PCDHGA5: variants seen among roughly 807,000 people sequenced by gnomAD.
The protein encoded by PCDHGA5 is protocadherin gamma-A5.
PCDHGA5 carries 36 observed loss-of-function variants against 56.7 expected under a neutral mutation model. The ratio of observed to expected loss-of-function variants is 0.64; its 90% confidence interval spans 0.49 to 0.84. The LOEUF (loss-of-function observed/expected upper bound fraction) is 0.84. Ranked by LOEUF, PCDHGA5 falls within the 40% of genes least tolerant of loss-of-function variation. PCDHGA5 has a pLI of 0.00. For synonymous variants in PCDHGA5, 563 were observed against 520.2 expected (o/e 1.08, Z -1.12); for missense variants, 1,305 against 1,201.5 (o/e 1.09, Z -1.27).
At chr5:141,399,652 G>A in intron 1 of PCDHGA5, 1 of 1,613,758 alleles carries the variant, frequency 6.2e-7, no homozygotes, top group Non-Finnish European at 8.5e-7. Flanking sequence ...GCAAAGTGGG[G>A]TGGTGTTCGC....
At position 141,365,002 on chromosome 5, in the gene PCDHGA5, C is replaced by T. The variant is rs779500238; in HGVS notation, c.672C>T (p.Gly224=). ...ALDGGDPVLS[G]TTHIRVTVLD... ...ATGGCGGAGACCCGGTACTCTCCGG[C>T]ACCACGCACATCCGTGTTACGGTCC... Residue 224 remains glycine (G), a synonymous_variant, in exon 1 of 4, where the codon GGC becomes GGT. Coordinates refer to ENST00000518069, the MANE Select transcript of PCDHGA5 (RefSeq NM_018918.3). 1.9e-6 allele frequency: 3 copies of T among 1,613,918 alleles called. No homozygotes were observed. The highest frequency in any genetic ancestry group is 2.5e-6 in the Non-Finnish European group (3 of 1,179,892).
At chr5:141,443,137 A>G (rs1202995621) in intron 1 of PCDHGA5, among the ~76,000 whole-genome samples, 1 of 152,174 alleles carries the variant, frequency 6.6e-6, no homozygotes, top group Non-Finnish European at 1.5e-5. Flanking sequence ...GAACACTATC[A>G]TAAGTTATAC....
rs150878327 is a variant in PCDHGA5 at position 141,438,347 on chromosome 5, C to A, written c.2422-56460C>A. On this transcript the variant is annotated intron_variant, in intron 1 of 3. Coordinates refer to ENST00000518069, the MANE Select transcript of PCDHGA5 (RefSeq NM_018918.3). ...CTTATACATGTCATATAAGGATCTACTCTGTGTATTGTCATTGAGGGCAGA... is the reference window on the plus strand; with the variant it reads ...CTTATACATGTCATATAAGGATCTAATCTGTGTATTGTCATTGAGGGCAGA... Among the ~76,000 whole-genome samples the A allele has an allele frequency of 3.9e-3, 588 of 151,848 alleles. 6 individuals are homozygous for A. Among genetic ancestry groups the A allele is most frequent in the Admixed American group, 0.011 (169 of 15,256 alleles).
intron 1 of PCDHGA5, among the ~76,000 whole-genome samples, chr5:141,438,609 T>TATAC (rs2098013849): frequency 2.4e-5 from 1 of 41,118 alleles, no homozygotes; most frequent in Non-Finnish European, 3.9e-5. Context: ...TATATATATA[T>TATAC]ATATATATAT....
At position 141,431,260 on chromosome 5, in the gene PCDHGA5, G is replaced by A. The variant is rs762250032; in HGVS notation, c.2422-63547G>A. The A allele has an allele frequency of 6.2e-7, 1 of 1,614,170 alleles. No individual in the cohort carries two copies. The highest frequency in any genetic ancestry group is 2.2e-5 in the East Asian group (1 of 44,892). On this transcript the variant is annotated intron_variant, in intron 1 of 3. Coordinates refer to ENST00000518069, the MANE Select transcript of PCDHGA5 (RefSeq NM_018918.3). The surrounding 1 kb of genome is among the most constrained non-coding windows in gnomAD (Gnocchi z 4.8). The stretch of plus-strand genomic sequence containing the variant: ...ATCCGGATATCGGGAAGAACTCTCT[G>A]CAGAGCTACGAGCTCAGCCCGAACA...
intron 1 of PCDHGA5, chr5:141,408,126 C>T: frequency 1.5e-5 from 22 of 1,479,600 alleles, no homozygotes; most frequent in Non-Finnish European, 1.6e-5. Flanking sequence ...TGTCCTGGGC[C>T]GAATGCTCTT....
Position 141,450,830 on chromosome 5 carries a change from T to TTA in PCDHGA5, c.2422-43976_2422-43975insAT, listed in dbSNP as rs200967731. 4.3e-3 allele frequency among the ~76,000 whole-genome samples: 438 copies of TTA among 101,540 alleles called. 3 individuals carry two copies. Among genetic ancestry groups the TTA allele is most frequent in the African/African-American group, 0.015 (349 of 23,046 alleles). 66.6% of individuals were successfully genotyped at this position (101,540 alleles called of 152,430 possible). ...TATTTATTTAATATTATTATTATTA[T>TTA]TTTTTTTTTTTTGAGATGGGGTCTT... On this transcript the variant is annotated intron_variant, in intron 1 of 3. Transcript: ENST00000518069.
rs1207371456 is a variant in PCDHGA5 at position 141,487,371 on chromosome 5, G to A, written c.2422-7436G>A. On this transcript the variant is annotated intron_variant, in intron 1 of 3. Transcript: ENST00000518069. The surrounding 1 kb of genome is among the most constrained non-coding windows in gnomAD (Gnocchi z 5.0). ...TGCTTTCCTGCTGGCACCTGTGCCT[G>A]TCTCACCAGATCTCGAAGGAGGGAG... The A allele has an allele frequency of 4.3e-6, 7 of 1,614,076 alleles. No individual in the cohort carries two copies. In the Admixed American group the frequency reaches 5.0e-5, roughly 12 times the overall value.
intron 1 of PCDHGA5, chr5:141,399,976 C>A (rs759278103): frequency 1.2e-6 from 2 of 1,612,122 alleles, no homozygotes; most frequent in African/African-American, 2.7e-5. Context: ...CAGCCTGGGG[C>A]TGCGCACAGG....
chr5:141,404,838 C>T (rs1561696680), intron 1 of PCDHGA5: 1 of 1,613,850 alleles, frequency 6.2e-7, no homozygotes, highest in East Asian at 2.2e-5. Flanking sequence ...GTGCGCACAG[C>T]TCGGGCCCTG....
intron 1 of PCDHGA5, 146 bp from the exon 2 acceptor site, chr5:141,494,661 G>C (rs2099755951): frequency 6.7e-7 from 1 of 1,492,856 alleles, no homozygotes; most frequent in African/African-American, 1.4e-5. Context: ...TTTGTCTTTG[G>C]AGATGAGTCC....
intron 1 of PCDHGA5, chr5:141,399,769 G>A (rs369379702): frequency 2.6e-5 from 42 of 1,613,216 alleles, no homozygotes; most frequent in Non-Finnish European, 3.5e-5. Flanking sequence ...GCGCGTGTTG[G>A]TGGGCGACCG....
At position 141,418,010 on chromosome 5, in the gene PCDHGA5, G is replaced by T. The variant is rs185303697; in HGVS notation, c.2421+51259G>T. Reference sequence around the variant, plus strand: ...CAAGGGCTCGGTGGTGGGGAACCTCGCTAAGGATCTAGGGCTTAGTGTCCT... The same window carrying T: ...CAAGGGCTCGGTGGTGGGGAACCTCTCTAAGGATCTAGGGCTTAGTGTCCT... On this transcript the variant is annotated intron_variant, in intron 1 of 3. Coordinates refer to ENST00000518069, the MANE Select transcript of PCDHGA5 (RefSeq NM_018918.3). 2.9e-5 allele frequency: 46 copies of T among 1,613,912 alleles called. No individual in the cohort carries two copies. The Middle Eastern group carries it at 5.0e-4, about 17-fold the overall frequency.
At chr5:141,419,424 A>G (rs1197238939) in intron 1 of PCDHGA5, 1 of 1,613,230 alleles carries the variant, frequency 6.2e-7, no homozygotes, top group Admixed American at 1.7e-5. Flanking sequence ...GCCTTCGACC[A>G]CGAGCAGCTG....
At position 141,371,682 on chromosome 5, in the gene PCDHGA5, C is replaced by T. The variant is rs752117459; in HGVS notation, c.2421+4931C>T. 12 of 1,613,918 alleles carry T rather than the reference C, an allele frequency of 7.4e-6. No homozygotes were observed. In the African/African-American group the frequency reaches 1.6e-4, roughly 22 times the overall value. On this transcript the variant is annotated intron_variant, in intron 1 of 3. Transcript: ENST00000518069. Reference sequence around the variant, plus strand: ...GATCACAGCTACCGACAAAGGCAATCCACCGCTCTCCTCCAGCAAGACCAT... The same window carrying T: ...GATCACAGCTACCGACAAAGGCAATTCACCGCTCTCCTCCAGCAAGACCAT...
intron 1 of PCDHGA5, chr5:141,422,951 G>C (rs1382138030): frequency 3.7e-6 from 6 of 1,614,236 alleles, no homozygotes; most frequent in South Asian, 3.3e-5. Flanking sequence ...GGCTCCACTG[G>C]CGTGGAGCTG....
At position 141,489,720 on chromosome 5, in the gene PCDHGA5, G is replaced by T. The variant is rs560729125; in HGVS notation, c.2422-5087G>T. 1.9e-6 allele frequency: 3 copies of T among 1,614,200 alleles called. No individual in the cohort carries two copies. Among genetic ancestry groups the T allele is most frequent in the Middle Eastern group, 1.6e-4 (1 of 6,062 alleles). ...TCCCACTGGACAGTGCCCAGGATCC[G>T]GATGTGGGCACCAATACTGTGAGCT... On this transcript the variant is annotated intron_variant, in intron 1 of 3. Transcript: ENST00000518069. This position sits in a 1 kb window ranked among gnomAD's most constrained non-coding sequence, Gnocchi z 4.5.
At chr5:141,413,612 T>C (rs1282180585) in intron 1 of PCDHGA5, 1 of 1,613,696 alleles carries the variant, frequency 6.2e-7, no homozygotes, top group Non-Finnish European at 8.5e-7. Context: ...GACGTAAAAA[T>C]TAATGAAAAT....
chr5:141,503,221 C>T (rs528636727), intron 2 of PCDHGA5, among the ~76,000 whole-genome samples: 34 of 152,074 alleles, frequency 2.2e-4, no homozygotes, highest in Middle Eastern at 6.8e-3. Flanking sequence ...CCATGAGCAC[C>T]GTAAAGATGG....
Sources: allele counts gnomAD v4.1 joint callset (sites outside exome capture counted in the v4.1 genomes callset), GRCh38; gene constraint gnomAD v4.1.1; non-coding constraint Gnocchi (gnomAD v3.1); transcripts MANE v1.5; gene names NCBI Gene and HGNC (gene_info 2026-07-23, HGNC 2026-07-21).